The following SYTL3 variants were observed in gnomAD, a reference collection of about 807,000 sequenced individuals.
SYTL3 encodes synaptotagmin like 3.
Under a neutral mutation model 82.1 loss-of-function variants are expected in SYTL3, and 88 were observed. The ratio of observed to expected loss-of-function variants is 1.07; its 90% CI spans 0.90 to 1.28. SYTL3 has a LOEUF of 1.28. Ranked by LOEUF, SYTL3 falls within the 50% of genes most tolerant of loss-of-function variation. SYTL3 has a pLI of 0.00. For synonymous variants in SYTL3, 311 were observed against 289.4 expected (o/e 1.07, Z -0.76); for missense variants, 831 against 757.6 (o/e 1.10, Z -1.14).
At chr6:158,665,830 C>T (rs1443850159) in intron 5 of SYTL3, among the ~76,000 whole-genome samples, 1 of 152,102 alleles carries the variant, frequency 6.6e-6, no homozygotes, top group Non-Finnish European at 1.5e-5. Context: ...GAAGTTTGGG[C>T]CAAGTGTGGT....
At chr6:158,759,930 T>C (rs1416946987) in intron 14 of SYTL3, among the ~76,000 whole-genome samples, 3 of 152,072 alleles carry the variant, frequency 2.0e-5, no homozygotes, top group Admixed American at 6.5e-5. Flanking sequence ...CTGTTGTTAG[T>C]GTATTTTATG....
chr6:158,758,106 C>A (rs952356898), intron 14 of SYTL3, among the ~76,000 whole-genome samples: 1 of 152,042 alleles, frequency 6.6e-6, no homozygotes, highest in Admixed American at 6.6e-5. Flanking sequence ...TGTGAGACCA[C>A]GAGGGATGAA....
chr6:158,648,374 G>A (rs1314003150), upstream of SYTL3, among the ~76,000 whole-genome samples: 9 of 152,038 alleles, frequency 5.9e-5, no homozygotes, highest in African/African-American at 1.9e-4. Flanking sequence ...GGCGGATCAC[G>A]AGGTCAGGAG....
In SYTL3 at chr6:158,663,394, C is replaced by T. The variant is rs762086061; in HGVS notation, c.110+16C>T. The T allele has an allele frequency of 3.6e-5, 58 of 1,611,894 alleles. No individual in the cohort carries two copies. The highest frequency in any genetic ancestry group is 1.2e-4 in the South Asian group (11 of 90,908). ...AGAGGACACGGTAGGCTGCCCTTCC[C>T]GGGGGGTCACTTTGGGTGTTTAGCT... On this transcript the variant is annotated intron_variant, in intron 4 of 17. Transcript: ENST00000611299.
At chr6:158,755,267 T>G (rs1385382266) in intron 13 of SYTL3, among the ~76,000 whole-genome samples, 2 of 152,164 alleles carry the variant, frequency 1.3e-5, no homozygotes, top group Admixed American at 6.5e-5. Flanking sequence ...CGCTTGAGCC[T>G]GGGAGGTGCA....
chr6:158,731,395 GA>G (rs1052915691), intron 11 of SYTL3, among the ~76,000 whole-genome samples: 2 of 151,468 alleles, frequency 1.3e-5, no homozygotes, highest in East Asian at 1.9e-4. Flanking sequence ...AAAATAAAAA[GA>G]AAAAAAACTC....
intron 5 of SYTL3, among the ~76,000 whole-genome samples, 199 bp downstream of exon 5, chr6:158,665,812 C>G (rs994423058): frequency 6.6e-6 from 1 of 151,938 alleles, no homozygotes; most frequent in Non-Finnish European, 1.5e-5. Context: ...ACATTTTTTT[C>G]ATTTACAGAA....
intron 12 of SYTL3, among the ~76,000 whole-genome samples, chr6:158,746,483 T>C (rs1787683928): frequency 6.7e-6 from 1 of 149,308 alleles, no homozygotes; most frequent in African/African-American, 2.4e-5. Context: ...ATTATTATTT[T>C]GAGGTGGAGT....
rs59423718 is a variant in SYTL3, at chr6:158,709,693, A to G, written c.516+1302A>G. ...GGAGCTGATCATAATCCCAGAAGAC[A>G]TAGTCCTGAGTGCTATCATCCTGAA... is the stretch of plus-strand genomic sequence containing the variant. On this transcript the variant is annotated intron_variant, in intron 8 of 17. Coordinates refer to ENST00000611299, the MANE Select transcript of SYTL3 (RefSeq NM_001242394.2). Among the ~76,000 whole-genome samples the G allele has an allele frequency of 6.5e-3, 985 of 152,326 alleles. 8 individuals carry two copies. The highest frequency in any genetic ancestry group is 0.022 in the African/African-American group (924 of 41,566).
intron 5 of SYTL3, 105 bp downstream of exon 5, chr6:158,665,718 G>A: frequency 1.3e-6 from 1 of 798,514 alleles, no homozygotes; most frequent in Non-Finnish European, 2.0e-6. Context: ...CCTTCAGCCA[G>A]TAAATGTGTA....
intron 6 of SYTL3, among the ~76,000 whole-genome samples, chr6:158,697,224 AC>A: frequency 7.3e-6 from 1 of 137,710 alleles, no homozygotes; most frequent in South Asian, 2.4e-4. Context: ...GGATTGCTTG[AC>A]CCCAGGAGTT....
At chr6:158,679,998 A>G (rs183800156) in intron 5 of SYTL3, among the ~76,000 whole-genome samples, 9 of 152,220 alleles carry the variant, frequency 5.9e-5, no homozygotes, top group Admixed American at 2.0e-4. Flanking sequence ...GAGAGAGGAG[A>G]TGAGCTGAAA....
At position 158,693,844 on chromosome 6, in the gene SYTL3, C is replaced by CTTTTACTTTTTTTTTTTTTTTTTTT. The variant is rs763990639; in HGVS notation, c.394+10859_394+10860insACTTTTTTTTTTTTTTTTTTTTTTT. ...AGGTGTGCCACTGCATCCAGCCTTT[C>CTTTTACTTTTTTTTTTTTTTTTTTT]TTTTTCTTTTCTTTTTTTTTTTTTT... is the stretch of plus-strand genomic sequence containing the variant. On this transcript the variant is annotated intron_variant, in intron 6 of 17. Coordinates refer to ENST00000611299, the MANE Select transcript of SYTL3 (RefSeq NM_001242394.2). 2.9e-3 allele frequency among the ~76,000 whole-genome samples: 159 copies of CTTTTACTTTTTTTTTTTTTTTTTTT among 55,568 alleles called. 11 individuals are homozygous for CTTTTACTTTTTTTTTTTTTTTTTTT. Among genetic ancestry groups the CTTTTACTTTTTTTTTTTTTTTTTTT allele is most frequent in the Middle Eastern group, 0.026 (3 of 116 alleles). The allele number at this position is 55,568 out of a possible 152,430, so 36.5% of individuals were successfully genotyped here. A position where few individuals can be genotyped will look rare whatever the true frequency, so the allele number is the denominator to read the frequency against.
chr6:158,649,435 G>C (rs1187221170), upstream of SYTL3, among the ~76,000 whole-genome samples: 4 of 152,198 alleles, frequency 2.6e-5, no homozygotes, highest in Non-Finnish European at 5.9e-5. Flanking sequence ...GTACTGGCTC[G>C]GTAGGTGCCA....
At chr6:158,664,358 A>G (rs570975546) in intron 4 of SYTL3, among the ~76,000 whole-genome samples, 36 of 152,306 alleles carry the variant, frequency 2.4e-4, no homozygotes, top group African/African-American at 8.7e-4. Flanking sequence ...CAGCCTGGCC[A>G]ACATAGTGAA....
Position 158,725,541 on chromosome 6 carries a change from A to G in SYTL3, c.759A>G (p.Gln253=). 6.2e-7 allele frequency: 1 copy of G among 1,614,212 alleles called. No individual in the cohort carries two copies. The highest frequency in any genetic ancestry group is 8.5e-7 in the Non-Finnish European group (1 of 1,180,032). ...SAPDILKPLN[Q]EDPKCSTNPI... ...CAGATATTCTGAAACCTCTCAATCA[A>G]GAGGATCCCAAATGCTCTACTAACC... The change falls in exon 11 of 18, where the codon CAA becomes CAG. Residue 253 remains glutamine (Q), a synonymous_variant. Coordinates refer to ENST00000611299, the MANE Select transcript of SYTL3 (RefSeq NM_001242394.2).
At chr6:158,679,626 A>G (rs1219259265) in intron 5 of SYTL3, among the ~76,000 whole-genome samples, 1 of 152,174 alleles carries the variant, frequency 6.6e-6, no homozygotes, top group African/African-American at 2.4e-5. Flanking sequence ...TTTATGCCCA[A>G]ATCTCTATAT....
At chr6:158,710,514 CA>C (rs36071364) in intron 8 of SYTL3, among the ~76,000 whole-genome samples, 90,210 of 145,258 alleles carry the variant, frequency 0.62, 28,331 homozygotes, top group African/African-American at 0.77. Context: ...AGTCAGTTTT[CA>C]AAAAAAAAAA....
chr6:158,704,614 G>GA (rs1428896299), intron 6 of SYTL3, among the ~76,000 whole-genome samples: 5 of 152,262 alleles, frequency 3.3e-5, no homozygotes, highest in Non-Finnish European at 4.4e-5. Context: ...TTGCTGGAGT[G>GA]AAAGGGCAAG....
Sources: allele counts gnomAD v4.1 joint callset (sites outside exome capture counted in the v4.1 genomes callset), GRCh38; gene constraint gnomAD v4.1.1; transcripts MANE v1.5; gene names NCBI Gene and HGNC (gene_info 2026-07-23, HGNC 2026-07-21).